Variants in NKAIN3 observed in about 807,000 individuals in gnomAD.
NKAIN3 encodes the protein sodium/potassium transporting ATPase interacting 3, also known as sodium/potassium-transporting ATPase subunit beta-1-interacting protein 3.
A neutral mutation model predicts 30.2 loss-of-function variants in NKAIN3; 25 were observed. The ratio of observed to expected loss-of-function variants is 0.83; its 90% confidence interval spans 0.60 to 1.16. The LOEUF is 1.16. NKAIN3 is among the 50% of genes most tolerant of loss of function. NKAIN3 has a pLI of 0.00. For missense variants in NKAIN3, 225 were observed against 254.1 expected (o/e 0.89, Z 0.78); for synonymous variants, 91 against 89.6 (o/e 1.02, Z -0.09).
intron 3 of NKAIN3, among the ~76,000 whole-genome samples, chr8:62,598,014 A>G (rs1195293107): frequency 6.6e-6 from 1 of 152,048 alleles, no homozygotes; most frequent in Non-Finnish European, 1.5e-5. Context: ...CCAACGTCAA[A>G]CTCCTTATGA....
intron 1 of NKAIN3, among the ~76,000 whole-genome samples, chr8:62,342,235 C>CAAAAAA (rs3058285): frequency 2.4e-5 from 3 of 124,784 alleles, no homozygotes; most frequent in African/African-American, 6.4e-5. Flanking sequence ...ACCACTGAAC[C>CAAAAAA]AAAAAAAAAA....
At chr8:62,805,343 A>G (rs536630193) in intron 4 of NKAIN3, among the ~76,000 whole-genome samples, 2 of 151,868 alleles carry the variant, frequency 1.3e-5, no homozygotes, top group African/African-American at 4.8e-5. Context: ...CGCATTGCCA[A>G]GTCAATCCTA....
At chr8:62,680,478 C>G (rs1813615089) in intron 3 of NKAIN3, among the ~76,000 whole-genome samples, 1 of 152,138 alleles carries the variant, frequency 6.6e-6, no homozygotes, top group Non-Finnish European at 1.5e-5. Context: ...CCATTCATGA[C>G]TTAAAAAGGA....
At chr8:62,543,189 G>A (rs1424908455) in intron 1 of NKAIN3, among the ~76,000 whole-genome samples, 2 of 152,162 alleles carry the variant, frequency 1.3e-5, no homozygotes, top group Non-Finnish European at 2.9e-5. Flanking sequence ...TCATCTGGTT[G>A]TCTGAGACTG....
intron 3 of NKAIN3, among the ~76,000 whole-genome samples, chr8:62,708,270 G>T (rs926502320): frequency 1.3e-5 from 2 of 151,994 alleles, no homozygotes; most frequent in Admixed American, 6.6e-5. Flanking sequence ...GGAATGATGT[G>T]GTATTTTGAT....
At chr8:62,891,826 C>T (rs72655032) in intron 4 of NKAIN3, among the ~76,000 whole-genome samples, 3,043 of 152,262 alleles carry the variant, frequency 0.02, 47 homozygotes, top group South Asian at 0.026. Context: ...TCATCACACT[C>T]TTCATCCTCT....
chr8:62,871,768 G>C (rs531422925), intron 4 of NKAIN3, among the ~76,000 whole-genome samples: 1 of 152,302 alleles, frequency 6.6e-6, no homozygotes, highest in Non-Finnish European at 1.5e-5. Flanking sequence ...CATATCTCCA[G>C]TAAAATTGCC....
At chr8:62,461,508 C>T (rs1329804801) in intron 1 of NKAIN3, among the ~76,000 whole-genome samples, 1 of 152,154 alleles carries the variant, frequency 6.6e-6, no homozygotes, top group African/African-American at 2.4e-5. Flanking sequence ...AGATGTTGAA[C>T]TTACTAGACA....
At chr8:62,349,948 G>C (rs1241117163) in intron 1 of NKAIN3, among the ~76,000 whole-genome samples, 1 of 152,180 alleles carries the variant, frequency 6.6e-6, no homozygotes, top group Non-Finnish European at 1.5e-5. Context: ...CACTTGTCTT[G>C]ACAAATTACT....
At chr8:62,850,169 T>A (rs1819845554) in intron 4 of NKAIN3, among the ~76,000 whole-genome samples, 2 of 152,114 alleles carry the variant, frequency 1.3e-5, no homozygotes, top group South Asian at 4.2e-4. Flanking sequence ...AGATGCTATC[T>A]CATTGTGGTT....
chr8:62,275,191 A>T (rs2129394242), intron 1 of NKAIN3, among the ~76,000 whole-genome samples: 1 of 152,144 alleles, frequency 6.6e-6, no homozygotes, highest in African/African-American at 2.4e-5. Flanking sequence ...ACAATGGTTG[A>T]ACTAGTTTAC....
intron 1 of NKAIN3, among the ~76,000 whole-genome samples, chr8:62,387,766 T>G (rs1817472891): frequency 6.6e-6 from 1 of 152,178 alleles, no homozygotes. Context: ...TTAGATTAAA[T>G]CTACAGTGAT....
chr8:62,520,939 G>A lies in NKAIN3; in HGVS notation c.55-58600G>A, dbSNP rs148395807. ...AAATATGATTCACCAGGAAGTAGCC[G>A]ACTTCTGCTTGTATGGAAAGAGTGC... On this transcript the variant is annotated intron_variant, in intron 1 of 6. Transcript: ENST00000623646. 3.0e-3 allele frequency among the ~76,000 whole-genome samples: 448 copies of A among 151,400 alleles called. 2 individuals are homozygous for A. Among genetic ancestry groups the A allele is most frequent in the Middle Eastern group, 0.01 (3 of 294 alleles).
chr8:62,593,026 T>C (rs1810706483), intron 3 of NKAIN3, among the ~76,000 whole-genome samples: 4 of 151,996 alleles, frequency 2.6e-5, no homozygotes, highest in Admixed American at 2.6e-4. Context: ...CTTTCTTGCT[T>C]ATTTAGAGAA....
intron 1 of NKAIN3, among the ~76,000 whole-genome samples, chr8:62,565,857 G>A (rs1809733133): frequency 1.3e-5 from 2 of 151,974 alleles, no homozygotes; most frequent in Non-Finnish European, 2.9e-5. Context: ...CCTACAATTA[G>A]GCAAAATAAC....
At chr8:62,430,673 G>T (rs1270918817) in intron 1 of NKAIN3, among the ~76,000 whole-genome samples, 1 of 151,714 alleles carries the variant, frequency 6.6e-6, no homozygotes, top group East Asian at 1.9e-4. Flanking sequence ...CTGAAGTGAG[G>T]GGGTAGATGT....
At chr8:62,397,454 C>T (rs140904916) in intron 1 of NKAIN3, among the ~76,000 whole-genome samples, 28 of 152,190 alleles carry the variant, frequency 1.8e-4, no homozygotes, top group African/African-American at 6.5e-4. Context: ...TCAAATTCTG[C>T]AGAGAGTTGT....
At chr8:62,960,735 G>GCGCACACACA (rs1554596932) in intron 6 of NKAIN3, among the ~76,000 whole-genome samples, 1 of 148,434 alleles carries the variant, frequency 6.7e-6, no homozygotes, top group Non-Finnish European at 1.5e-5. Flanking sequence ...CAGGAAAAAA[G>GCGCACACACA]CACACACACA....
chr8:62,581,547 A>C (rs1231067502), intron 2 of NKAIN3, among the ~76,000 whole-genome samples: 1 of 152,100 alleles, frequency 6.6e-6, no homozygotes. Flanking sequence ...CTATAGATAG[A>C]CTTTGCCTCT....
Sources: allele counts gnomAD v4.1 joint callset (sites outside exome capture counted in the v4.1 genomes callset), GRCh38; gene constraint gnomAD v4.1.1; transcripts MANE v1.5; gene names NCBI Gene and HGNC (gene_info 2026-07-23, HGNC 2026-07-21).